The following UCK2 variants were observed in gnomAD, a reference collection of about 807,000 sequenced individuals.
The protein encoded by UCK2 is cytidine monophosphokinase 2.
In UCK2, 6 loss-of-function variants were observed where a neutral mutation model predicts 30.8. The ratio of observed to expected loss-of-function variants is 0.19; its 90% CI spans 0.11 to 0.38. The LOEUF (loss-of-function observed/expected upper bound fraction) is 0.38, where lower values mean the gene tolerates loss of function less well. Among genes scored for constraint, UCK2 ranks in the 10% least tolerant of loss-of-function variants. UCK2 has a pLI of 1.00. For missense variants in UCK2, 210 were observed against 339.8 expected, an observed-to-expected ratio of 0.62 and a Z score of 3.00; for synonymous variants, 125 against 133.6, an observed-to-expected ratio of 0.94 and a Z score of 0.45.
rs865966080 is a variant in UCK2, at chr1:165,895,571, C to T, written c.357-619C>T. On this transcript the variant is annotated intron_variant, in intron 3 of 6. Transcript: ENST00000367879. ...GGAGCTCAGGATTGACCTGTGGCCA[C>T]TTTGTTGGTTTGGGGTAGAGCCAGA... The T allele has an allele frequency of 5.1e-6, 5 of 985,360 alleles. No individual in the cohort carries two copies. The African/African-American group carries it at 7.0e-5, about 14-fold the overall frequency. The allele number at this position is 985,360 out of a possible 1,614,324, so 61.0% of individuals were successfully genotyped here. A position where few individuals can be genotyped will look rare whatever the true frequency, so the allele number is the denominator to read the frequency against.
intron 1 of UCK2, among the ~76,000 whole-genome samples, chr1:165,864,880 T>G (rs4657483): frequency 0.67 from 101,580 of 151,396 alleles, 34,258 homozygotes; most frequent in South Asian, 0.77. Context: ...AGAGATGAGG[T>G]TCTCAATGTG....
At chr1:165,842,461 C>G (rs1413238621) in intron 1 of UCK2, among the ~76,000 whole-genome samples, 1 of 152,180 alleles carries the variant, frequency 6.6e-6, no homozygotes, top group Non-Finnish European at 1.5e-5. Context: ...GCTGCTCTAC[C>G]TGTATTTTCT....
intron 1 of UCK2, among the ~76,000 whole-genome samples, chr1:165,843,271 T>C (rs149298020): frequency 1.3e-5 from 2 of 152,280 alleles, no homozygotes; most frequent in African/African-American, 4.8e-5. Context: ...TGGGAGTTCA[T>C]CTGGGTCTTT....
At chr1:165,844,979 T>C (rs893056476) in intron 1 of UCK2, among the ~76,000 whole-genome samples, 4 of 152,174 alleles carry the variant, frequency 2.6e-5, no homozygotes, top group Non-Finnish European at 5.9e-5. Context: ...AGTAAGTGTT[T>C]CTTTGAGCTC....
intron 6 of UCK2, among the ~76,000 whole-genome samples, chr1:165,906,666 C>A (rs1647672936): frequency 6.6e-6 from 1 of 152,230 alleles, no homozygotes; most frequent in African/African-American, 2.4e-5. Flanking sequence ...TAGCACCTGG[C>A]CCCATTGTTT....
intron 1 of UCK2, among the ~76,000 whole-genome samples, chr1:165,877,559 A>G (rs749732230): frequency 2.6e-5 from 4 of 152,138 alleles, no homozygotes; most frequent in African/African-American, 4.8e-5. Flanking sequence ...ACTCAGCACA[A>G]TTCTCTGGAG....
At chr1:165,854,598 A>AAAAT (rs10571444) in intron 1 of UCK2, among the ~76,000 whole-genome samples, 13,055 of 143,572 alleles carry the variant, frequency 0.091, 707 homozygotes, top group East Asian at 0.25. Context: ...TCCTTTTTTA[A>AAAAT]AAATAAATAA....
intron 1 of UCK2, 112 bp downstream of exon 1, chr1:165,828,044 G>T: frequency 2.5e-6 from 2 of 789,218 alleles, no homozygotes; most frequent in Non-Finnish European, 3.3e-6. Flanking sequence ...TGGCCCGCGC[G>T]CCTCCGCTCC....
At chr1:165,900,130 T>C (rs4656466) in intron 4 of UCK2, 35,819 of 152,164 alleles carry the variant, frequency 0.24, 5,215 homozygotes, top group East Asian at 0.49. Context: ...TTTTTCCCTT[T>C]GCTGCCCCCG....
intron 1 of UCK2, among the ~76,000 whole-genome samples, chr1:165,870,076 T>G (rs1260609813): frequency 6.6e-6 from 1 of 152,176 alleles, no homozygotes; most frequent in African/African-American, 2.4e-5. Flanking sequence ...TTATATTTTC[T>G]CCTAAGACTT....
At chr1:165,849,296 G>A (rs1216545033) in intron 1 of UCK2, among the ~76,000 whole-genome samples, 1 of 152,160 alleles carries the variant, frequency 6.6e-6, no homozygotes, top group East Asian at 1.9e-4. Flanking sequence ...GGTGGAGGTG[G>A]TCAGGTGGTG....
intron 1 of UCK2, among the ~76,000 whole-genome samples, chr1:165,845,247 T>C (rs1385093778): frequency 1.3e-5 from 2 of 152,188 alleles, no homozygotes; most frequent in African/African-American, 4.8e-5. Flanking sequence ...GAAATCGCCA[T>C]ACGTTTTGGT....
At chr1:165,829,495 A>G (rs1303230542) in intron 1 of UCK2, among the ~76,000 whole-genome samples, 1 of 152,192 alleles carries the variant, frequency 6.6e-6, no homozygotes, top group Non-Finnish European at 1.5e-5. Context: ...CCAAATTTTA[A>G]GCTGAAGTCC....
At chr1:165,828,072 C>T (rs1237350607) in intron 1 of UCK2, 140 bp downstream of exon 1, 2 of 434,916 alleles carry the variant, frequency 4.6e-6, no homozygotes, top group Admixed American at 1.2e-4. Context: ...GCTCCAGCGC[C>T]GAGTGCGCCC....
At chr1:165,856,907 T>G (rs7527008) in intron 1 of UCK2, among the ~76,000 whole-genome samples, 36,803 of 149,450 alleles carry the variant, frequency 0.25, 5,008 homozygotes, top group South Asian at 0.46. Flanking sequence ...CAGGGTTTTT[T>G]TTTTTTTTTT....
intron 1 of UCK2, among the ~76,000 whole-genome samples, chr1:165,835,307 CATATA>C (rs954026032): frequency 2.7e-5 from 4 of 146,468 alleles, no homozygotes; most frequent in Non-Finnish European, 4.4e-5. Context: ...CCATTTTGCA[CATATA>C]ATATATATAT....
intron 4 of UCK2, chr1:165,900,370 C>T (rs1175965019): frequency 2.6e-5 from 4 of 152,192 alleles, no homozygotes; most frequent in Non-Finnish European, 5.9e-5. Context: ...GAGGAAGGTA[C>T]CATTATTGTC....
chr1:165,842,258 T>C (rs940998876), intron 1 of UCK2, among the ~76,000 whole-genome samples: 4 of 152,168 alleles, frequency 2.6e-5, no homozygotes, highest in African/African-American at 7.2e-5. Flanking sequence ...CCCTGTTTTT[T>C]CCCCCTCCAT....
intron 1 of UCK2, among the ~76,000 whole-genome samples, chr1:165,833,899 G>A (rs888510399): frequency 2.0e-5 from 3 of 151,886 alleles, no homozygotes; most frequent in African/African-American, 7.3e-5. Flanking sequence ...GAAAGCATTC[G>A]ATCTTTTCAT....
Sources: gnomAD v4.1 joint callset for allele counts (sites outside exome capture counted in the v4.1 genomes callset) on GRCh38, gnomAD v4.1.1 for gene constraint, MANE v1.5 for transcripts, NCBI Gene and HGNC (gene_info 2026-07-23, HGNC 2026-07-21) for gene names.